The following PDE10A variants were observed in gnomAD, a reference collection of about 807,000 sequenced individuals.
PDE10A encodes the protein phosphodiesterase 10A, also known as cAMP and cAMP-inhibited cGMP 3',5'-cyclic phosphodiesterase 10A.
PDE10A carries 39 observed loss-of-function variants against 97.7 expected under a neutral mutation model. That is an observed-to-expected ratio of 0.40 (90% CI 0.31 to 0.52). The LOEUF (loss-of-function observed/expected upper bound fraction) is 0.52. Ranked by LOEUF, PDE10A falls within the 20% of genes least tolerant of loss-of-function variation. PDE10A has a pLI of 0.56. For missense variants in PDE10A, 731 were observed against 1,047.8 expected (o/e 0.70, Z 4.17); for synonymous variants, 371 against 376.8 (o/e 0.98, Z 0.18).
intron 1 of PDE10A, among the ~76,000 whole-genome samples, chr6:165,827,364 G>A (rs1779792246): frequency 6.6e-6 from 1 of 152,190 alleles, no homozygotes; most frequent in Non-Finnish European, 1.5e-5. Flanking sequence ...GGAGGTGCCC[G>A]GTGACAGCGC....
intron 2 of PDE10A, among the ~76,000 whole-genome samples, chr6:165,527,255 G>A (rs544705925): frequency 3.9e-5 from 6 of 152,200 alleles, no homozygotes; most frequent in Non-Finnish European, 7.3e-5. Flanking sequence ...ATTTGGTTGT[G>A]TTACTCCAGC....
At chr6:165,859,230 A>T (rs979820847) in intron 1 of PDE10A, among the ~76,000 whole-genome samples, 6 of 152,240 alleles carry the variant, frequency 3.9e-5, no homozygotes, top group African/African-American at 1.4e-4. Flanking sequence ...TACCACGTGG[A>T]TTATTTCCAT....
chr6:165,458,803 A>C (rs1778119007), intron 3 of PDE10A, among the ~76,000 whole-genome samples: 1 of 152,136 alleles, frequency 6.6e-6, no homozygotes, highest in Non-Finnish European at 1.5e-5. Context: ...TTCCCTTACA[A>C]GTTAAATACA....
At chr6:165,958,506 A>G (rs966139217) in intron 1 of PDE10A, among the ~76,000 whole-genome samples, 1 of 8,376 alleles carries the variant, frequency 1.2e-4, no homozygotes, top group African/African-American at 9.1e-4. Flanking sequence ...GACAAGAAAG[A>G]AAGAAAGAAA....
chr6:165,623,762 G>A (rs1788259754), intron 1 of PDE10A, among the ~76,000 whole-genome samples: 1 of 144,190 alleles, frequency 6.9e-6, no homozygotes, highest in African/African-American at 2.9e-5. Context: ...TGACCAATAT[G>A]GTCCTTTTAG....
chr6:165,943,297 A>AGG (rs1308549757), intron 1 of PDE10A, among the ~76,000 whole-genome samples: 1 of 145,630 alleles, frequency 6.9e-6, no homozygotes. Flanking sequence ...GAAAGAAGGA[A>AGG]AGAAAGAAAG....
intron 1 of PDE10A, among the ~76,000 whole-genome samples, chr6:165,618,977 GTCT>G (rs1787859129): frequency 6.8e-6 from 1 of 146,842 alleles, no homozygotes; most frequent in African/African-American, 2.5e-5. Flanking sequence ...GTGTAGTGTA[GTCT>G]AGTGTAGTGT....
At chr6:165,440,915 T>C (rs1322872087) in intron 5 of PDE10A, among the ~76,000 whole-genome samples, 1 of 152,140 alleles carries the variant, frequency 6.6e-6, no homozygotes. Flanking sequence ...GGAAAAACTA[T>C]AAAGATACTA....
intron 1 of PDE10A, among the ~76,000 whole-genome samples, chr6:165,737,893 T>C (rs1186126728): frequency 1.3e-5 from 2 of 152,188 alleles, no homozygotes; most frequent in African/African-American, 4.8e-5. Context: ...TGATTTTTTA[T>C]AAAGAAAACC....
intron 1 of PDE10A, among the ~76,000 whole-genome samples, chr6:165,810,298 C>T (rs181251170): frequency 1.6e-4 from 25 of 152,268 alleles, no homozygotes; most frequent in Non-Finnish European, 2.8e-4. Flanking sequence ...AAGTAGAATC[C>T]GATCTGTTGA....
intron 1 of PDE10A, among the ~76,000 whole-genome samples, chr6:165,789,462 C>T (rs1000200784): frequency 1.3e-5 from 2 of 152,080 alleles, no homozygotes; most frequent in Admixed American, 6.5e-5. Context: ...ATTTGTGAAT[C>T]GTTCCTGGGG....
chr6:165,875,740 T>TGTTTTTC lies in PDE10A; in HGVS notation c.-615+111788_-615+111789insGAAAAAC, dbSNP rs1554334704. On this transcript the variant is annotated intron_variant, in intron 1 of 19. Transcript: ENST00000366882. ...CTTATTTTCTTTTACTGTTTTTTTTTTTTTTTTGTGTGTGTGTGTGTGTTT... is the reference window on the plus strand; with the variant it reads ...CTTATTTTCTTTTACTGTTTTTTTTTGTTTTTCTTTTTTTGTGTGTGTGTGTGTGTTT... Among the ~76,000 whole-genome samples the TGTTTTTC allele has an allele frequency of 1.4e-5, 2 of 146,608 alleles. 1 individual carries two copies. Among genetic ancestry groups the TGTTTTTC allele is most frequent in the Admixed American group, 1.4e-4 (2 of 14,758 alleles).
rs1790636976 is a variant in PDE10A at position 165,671,154 on chromosome 6, A to G, written c.-614-127586T>C. ...GTTCACTAATTTTTTTTTTTTTAAG[A>G]ATCAACAACAAATGATGCTTGCTAC... On this transcript the variant is annotated intron_variant, in intron 1 of 19. Coordinates refer to the PDE10A transcript ENST00000366882. This position sits in a 1 kb window ranked among gnomAD's most constrained non-coding sequence, Gnocchi z 4.6. 6.6e-6 allele frequency among the ~76,000 whole-genome samples: 1 copy of G among 151,692 alleles called. No individual in the cohort carries two copies. The highest frequency in any genetic ancestry group is 2.4e-5 in the African/African-American group (1 of 41,284).
intron 1 of PDE10A, among the ~76,000 whole-genome samples, chr6:165,626,379 G>A (rs1391124437): frequency 6.6e-6 from 1 of 152,174 alleles, no homozygotes; most frequent in Non-Finnish European, 1.5e-5. Context: ...AAAACATGCA[G>A]ATTATTGATG....
chr6:165,410,917 T>C (rs1787716291), intron 13 of PDE10A, among the ~76,000 whole-genome samples: 1 of 85,216 alleles, frequency 1.2e-5, no homozygotes, highest in Non-Finnish European at 2.2e-5. Flanking sequence ...TGAAACCCCG[T>C]CTCTACTAAA....
chr6:165,828,929 A>C (rs540997102), intron 1 of PDE10A, among the ~76,000 whole-genome samples: 1 of 152,380 alleles, frequency 6.6e-6, no homozygotes, highest in South Asian at 2.1e-4. Context: ...CGGCAGCGTT[A>C]ATGAAATCAA....
chr6:165,339,844 T>G (rs1338482526), intron 19 of PDE10A, among the ~76,000 whole-genome samples: 1 of 152,222 alleles, frequency 6.6e-6, no homozygotes, highest in Non-Finnish European at 1.5e-5. Context: ...ATCATCTAAT[T>G]TACAATTATA....
intron 1 of PDE10A, among the ~76,000 whole-genome samples, chr6:165,821,539 C>CAG (rs58155647): frequency 0.51 from 77,998 of 151,678 alleles, 21,663 homozygotes; most frequent in East Asian, 0.88. Flanking sequence ...TTTTCCGAGA[C>CAG]AGTCTTGCTG....
chr6:165,601,848 G>A (rs973721732), intron 1 of PDE10A, among the ~76,000 whole-genome samples: 12 of 151,998 alleles, frequency 7.9e-5, no homozygotes, highest in African/African-American at 1.5e-4. Flanking sequence ...ATAAAGAGTC[G>A]CATAACAGAA....
Sources: allele counts gnomAD v4.1 joint callset (sites outside exome capture counted in the v4.1 genomes callset), GRCh38; gene constraint gnomAD v4.1.1; non-coding constraint Gnocchi (gnomAD v3.1); transcripts MANE v1.5; gene names NCBI Gene and HGNC (gene_info 2026-07-23, HGNC 2026-07-21).